The following SKIL variants were observed in gnomAD, a reference collection of about 807,000 sequenced individuals.
SKIL encodes SKI like proto-oncogene.
SKIL carries 20 observed loss-of-function variants against 69.6 expected under a neutral mutation model. The ratio of observed to expected loss-of-function variants is 0.29; its 90% CI spans 0.20 to 0.42. The LOEUF is 0.42. SKIL is among the 10% of genes least tolerant of loss of function. The pLI, the probability that SKIL is intolerant of heterozygous loss-of-function variation, is 1.00. For missense variants in SKIL, 745 were observed against 783.1 expected, an observed-to-expected ratio of 0.95 and a Z score of 0.58; for synonymous variants, 310 against 279.9, an observed-to-expected ratio of 1.11 and a Z score of -1.08.
In SKIL at chr3:170,384,668, T is replaced by C. The variant is rs1737527476; in HGVS notation, c.1332T>C (p.Ser444=). ...GACAGTCAGAGAAGGCTCACAGTAG[T>C]GGTAAACTTCAAAAAACAGTGTCTT... ...ISRQSEKAHS[S]GKLQKTVSYP... Residue 444 remains serine, a synonymous_variant, in exon 4 of 7, where the codon AGT becomes AGC. Transcript: ENST00000259119. 6.2e-7 allele frequency: 1 copy of C among 1,612,714 alleles called. No individual in the cohort carries two copies. Among genetic ancestry groups the C allele is most frequent in the East Asian group, 2.2e-5 (1 of 44,852 alleles).
intron 2 of SKIL, among the ~76,000 whole-genome samples, chr3:170,377,723 T>G (rs555316028): frequency 6.7e-6 from 1 of 148,598 alleles, no homozygotes; most frequent in African/African-American, 2.5e-5. Flanking sequence ...TAATTTTTTT[T>G]TTTTGTATTT....
chr3:170,375,733 G>T (rs1188039328), intron 2 of SKIL, among the ~76,000 whole-genome samples: 2 of 143,978 alleles, frequency 1.4e-5, no homozygotes, highest in Non-Finnish European at 3.1e-5. Flanking sequence ...CGTCACCACG[G>T]CTGGCCAATT....
chr3:170,359,613 A>G (rs986900399), intron 1 of SKIL, 86 bp from the exon 2 acceptor site: 51 of 147,558 alleles, frequency 3.5e-4, no homozygotes, highest in African/African-American at 1.2e-3. Context: ...AAAAAAAAAT[A>G]AAAGAAACTG....
Position 170,395,722 on chromosome 3 carries a change from C to T in SKIL, c.*3305C>T, listed in dbSNP as rs994580906. The T allele has an allele frequency of 6.6e-6, 1 of 152,046 alleles. No individual in the cohort carries two copies. Among genetic ancestry groups the T allele is most frequent in the Admixed American group, 6.6e-5 (1 of 15,260 alleles). The allele number at this position is 152,046 out of a possible 1,614,324, so 9.4% of individuals were successfully genotyped here. On this transcript the variant is annotated 3_prime_UTR_variant, in exon 7 of 7. Transcript: ENST00000259119. Reference sequence around the variant, plus strand: ...ATGTTTTGATTACTTAGGGAAGATTCCTCATTTTTATTTGCCCTTTATGCA... The same window carrying T: ...ATGTTTTGATTACTTAGGGAAGATTTCTCATTTTTATTTGCCCTTTATGCA...
chr3:170,378,978 G>C (rs1199289319), intron 2 of SKIL, among the ~76,000 whole-genome samples: 1 of 152,006 alleles, frequency 6.6e-6, no homozygotes, highest in Non-Finnish European at 1.5e-5. Context: ...CTGGGTTCAA[G>C]TGAGTCTCCT....
intron 2 of SKIL, among the ~76,000 whole-genome samples, chr3:170,367,189 A>G (rs904088979): frequency 6.6e-6 from 1 of 151,932 alleles, no homozygotes; most frequent in Non-Finnish European, 1.5e-5. Context: ...GCTCACTGCA[A>G]ACTCCACCTC....
At chr3:170,370,112 G>C (rs1403869467) in intron 2 of SKIL, among the ~76,000 whole-genome samples, 1 of 151,906 alleles carries the variant, frequency 6.6e-6, no homozygotes. Flanking sequence ...GGTGGCAGGC[G>C]CCTGTAGTCC....
rs1212228876 is a variant in SKIL at position 170,395,055 on chromosome 3, T to C, written c.*2638T>C. The C allele has an allele frequency of 6.6e-6, 1 of 152,170 alleles. No individual in the cohort carries two copies. The highest frequency in any genetic ancestry group is 1.5e-5 in the Non-Finnish European group (1 of 68,016). The allele number at this position is 152,170 out of a possible 1,614,324, so 9.4% of individuals were successfully genotyped here. A position where few individuals can be genotyped will look rare whatever the true frequency, so the allele number is the denominator to read the frequency against. Reference sequence around the variant, plus strand: ...AAAATGTTTATTCTAAAAAGCTGCATTAAAGGGACAACCTATAAAAAGTTT... The same window carrying C: ...AAAATGTTTATTCTAAAAAGCTGCACTAAAGGGACAACCTATAAAAAGTTT... On this transcript the variant is annotated 3_prime_UTR_variant, in exon 7 of 7. Transcript: ENST00000259119.
chr3:170,382,859 C>T (rs1281894846), intron 3 of SKIL, among the ~76,000 whole-genome samples: 1 of 151,188 alleles, frequency 6.6e-6, no homozygotes, highest in Admixed American at 6.6e-5. Flanking sequence ...GCTGGGATTA[C>T]AGGCATCCGC....
intron 2 of SKIL, among the ~76,000 whole-genome samples, chr3:170,364,108 G>T (rs1472139540): frequency 6.6e-6 from 1 of 152,098 alleles, no homozygotes; most frequent in Non-Finnish European, 1.5e-5. Context: ...CCACCGCCAT[G>T]CCCAGCTAAT....
intron 2 of SKIL, among the ~76,000 whole-genome samples, chr3:170,377,842 C>T (rs1041292294): frequency 6.6e-6 from 1 of 151,416 alleles, no homozygotes; most frequent in African/African-American, 2.4e-5. Context: ...GTGTGAGCCA[C>T]TGTGCCTGGC....
chr3:170,389,294 A>G (rs1425682449), intron 4 of SKIL, among the ~76,000 whole-genome samples: 1 of 150,778 alleles, frequency 6.6e-6, no homozygotes, highest in Non-Finnish European at 1.5e-5. Context: ...AGTTGTCCGT[A>G]TGTTGAAAAG....
In SKIL at chr3:170,362,560, A is replaced by G. The variant is rs544447722; in HGVS notation, c.1098+1131A>G. On this transcript the variant is annotated intron_variant, in intron 2 of 6. Coordinates refer to ENST00000259119, the MANE Select transcript of SKIL (RefSeq NM_005414.5). The stretch of plus-strand genomic sequence containing the variant: ...AGGTGGGAGCAATGAATGGCTCACA[A>G]TCCCAGCACTTTGGGAGGCCCAGGT... Among the ~76,000 whole-genome samples, 14 of 151,514 alleles carry G rather than the reference A, an allele frequency of 9.2e-5. 1 individual carries two copies. In the East Asian group the frequency reaches 2.7e-3, roughly 29 times the overall value.
rs934692805 is a variant in SKIL at position 170,384,570 on chromosome 3, A to T, written c.1234A>T (p.Asn412Tyr). 1 of 1,611,170 alleles carries T rather than the reference A, an allele frequency of 6.2e-7. No homozygotes were observed. The highest frequency in any genetic ancestry group is 8.5e-7 in the Non-Finnish European group (1 of 1,178,228). The part of the protein sequence containing the change: ...LYMCDKVVAP[N>Y]VSLTSAVSQS... Reference sequence around the variant, plus strand: ...CATGTGTGATAAAGTGGTTGCCCCAAATGTGTCACTTACTTCTGCTGTATC... The same window carrying T: ...CATGTGTGATAAAGTGGTTGCCCCATATGTGTCACTTACTTCTGCTGTATC... The change falls in exon 4 of 7, where the codon AAT becomes TAT. Residue 412 changes from asparagine (N) to tyrosine (Y), a missense_variant. Coordinates refer to ENST00000259119, the MANE Select transcript of SKIL (RefSeq NM_005414.5).
At chr3:170,381,200 C>T (rs1737323455) in intron 2 of SKIL, 44 bp from the exon 3 acceptor site, 2 of 1,058,938 alleles carry the variant, frequency 1.9e-6, no homozygotes, top group South Asian at 1.3e-5. Context: ...TTAACCTTCA[C>T]AGTTTTACTT....
In SKIL at chr3:170,365,752, C is replaced by CTTTTTTTTTTTTTT. The variant is rs59222162; in HGVS notation, c.1098+4331_1098+4344dup. ...GCTCATTTTAAAAAGTCAAACTAGG[C>CTTTTTTTTTTTTTT]TTTTTTTTTTTTTTTTTTTTTGAGA... On this transcript the variant is annotated intron_variant, in intron 2 of 6. Coordinates refer to ENST00000259119, the MANE Select transcript of SKIL (RefSeq NM_005414.5). Among the ~76,000 whole-genome samples the CTTTTTTTTTTTTTT allele has an allele frequency of 7.9e-4, 84 of 106,434 alleles. 1 individual carries two copies. The highest frequency in any genetic ancestry group is 1.5e-3 in the African/African-American group (39 of 25,210). 69.8% of individuals were successfully genotyped at this position (106,434 alleles called of 152,430 possible).
intron 4 of SKIL, among the ~76,000 whole-genome samples, chr3:170,387,762 A>AAAAAAAAAAC (rs1428775415): frequency 1.5e-5 from 2 of 130,174 alleles, no homozygotes; most frequent in Non-Finnish European, 3.4e-5. Flanking sequence ...TCTCTACTAA[A>AAAAAAAAAAC]AAAAAAAAAA....
chr3:170,381,769 A>G (rs767516687), intron 3 of SKIL, among the ~76,000 whole-genome samples: 1 of 151,908 alleles, frequency 6.6e-6, no homozygotes, highest in African/African-American at 2.4e-5. Flanking sequence ...TTTCTTGTTA[A>G]TCATAGATTA....
chr3:170,385,361 G>A (rs1194376088), intron 4 of SKIL, among the ~76,000 whole-genome samples: 2 of 151,204 alleles, frequency 1.3e-5, no homozygotes, highest in African/African-American at 4.9e-5. Context: ...CAAAGTGTTG[G>A]GATTACAGTT....
Sources: allele counts gnomAD v4.1 joint callset (sites outside exome capture counted in the v4.1 genomes callset), GRCh38; gene constraint gnomAD v4.1.1; transcripts MANE v1.5; gene names NCBI Gene and HGNC (gene_info 2026-07-23, HGNC 2026-07-21).